Variants in RARB observed in about 807,000 individuals in gnomAD.
RARB encodes HBV-activated protein.
Under a neutral mutation model 51.9 loss-of-function variants are expected in RARB, and 17 were observed. That is an observed-to-expected ratio of 0.33 (90% CI 0.22 to 0.49). RARB has a LOEUF of 0.49. RARB is among the 20% of genes least tolerant of loss of function. The pLI, the probability that RARB is intolerant of heterozygous loss-of-function variation, is 0.99. For synonymous variants in RARB, 215 were observed against 195.4 expected, an observed-to-expected ratio of 1.10 and a Z score of -0.84; for missense variants, 369 against 550.8, an observed-to-expected ratio of 0.67 and a Z score of 3.30.
At chr3:25,049,946 T>A (rs1438439371) in intron 2 of RARB, among the ~76,000 whole-genome samples, 2 of 152,204 alleles carry the variant, frequency 1.3e-5, no homozygotes, top group African/African-American at 4.8e-5. Flanking sequence ...ACGGGTAGTT[T>A]GTTGTTAGTG....
chr3:25,060,160 C>A (rs879531043), exon 3 of RARB: 6 of 151,580 alleles, frequency 4.0e-5, no homozygotes, highest in African/African-American at 1.5e-4. Context: ...AGTAACTTGC[C>A]CTAAGACCCA....
chr3:25,207,889 C>T (rs1026736737), intron 5 of RARB, among the ~76,000 whole-genome samples: 7 of 152,266 alleles, frequency 4.6e-5, no homozygotes, highest in East Asian at 3.9e-4. Flanking sequence ...CAGTTCCAGT[C>T]CTGTAGGTTG....
At chr3:25,399,994 T>C in intron 5 of RARB, among the ~76,000 whole-genome samples, 1 of 152,226 alleles carries the variant, frequency 6.6e-6, no homozygotes, top group East Asian at 1.9e-4. Context: ...TAATAAGACT[T>C]ACCTCTGAGG....
chr3:25,322,995 G>T (rs1704614242), intron 5 of RARB, among the ~76,000 whole-genome samples: 1 of 152,186 alleles, frequency 6.6e-6, no homozygotes. Flanking sequence ...TAGGCTTCAT[G>T]TGGGGTTGTC....
chr3:25,159,028 G>A (rs1700426342), intron 4 of RARB, among the ~76,000 whole-genome samples: 1 of 151,714 alleles, frequency 6.6e-6, no homozygotes, highest in African/African-American at 2.4e-5. Flanking sequence ...TGCAGAAGAA[G>A]TTGGGAAATA....
At chr3:25,075,074 A>G (rs1698845286) in intron 3 of RARB, among the ~76,000 whole-genome samples, 1 of 152,198 alleles carries the variant, frequency 6.6e-6, no homozygotes, top group African/African-American at 2.4e-5. Flanking sequence ...TTACATTTAC[A>G]GGTAAAAACA....
intron 3 of RARB, among the ~76,000 whole-genome samples, chr3:25,086,654 T>G (rs1028073871): frequency 3.9e-5 from 6 of 152,076 alleles, no homozygotes; most frequent in African/African-American, 1.4e-4. Context: ...ATGTAAGATG[T>G]ACATTGGTTC....
chr3:24,861,107 A>G (rs1575040230), intron 2 of RARB, among the ~76,000 whole-genome samples: 1 of 152,300 alleles, frequency 6.6e-6, no homozygotes, highest in South Asian at 2.1e-4. Context: ...GCCACCACCA[A>G]TGGAAAACAT....
In RARB at chr3:25,075,503, T is replaced by C. The variant is rs1698853972; in HGVS notation, c.-328+15327T>C. Among the ~76,000 whole-genome samples, 4 of 152,264 alleles carry C rather than the reference T, an allele frequency of 2.6e-5. No homozygotes were observed. The South Asian group carries it at 8.3e-4, about 32-fold the overall frequency. ...ACATGTCCCTACTTGGATGTGCATTTATTAAAGTAGATAGGGAAAATATTT... is the reference window on the plus strand; with the variant it reads ...ACATGTCCCTACTTGGATGTGCATTCATTAAAGTAGATAGGGAAAATATTT... On this transcript the variant is annotated intron_variant, in intron 3 of 11. Transcript: ENST00000383772.
intron 2 of RARB, among the ~76,000 whole-genome samples, chr3:24,997,151 A>ATG (rs377622324): frequency 1.0e-2 from 91 of 9,118 alleles, no homozygotes; most frequent in African/African-American, 0.052. Context: ...CATTGGGTGC[A>ATG]TATATGTATT....
chr3:25,181,101 G>T (rs991968080), intron 5 of RARB, among the ~76,000 whole-genome samples: 10 of 152,114 alleles, frequency 6.6e-5, no homozygotes, highest in African/African-American at 2.4e-4. Context: ...CTCTATGTTT[G>T]CTGTGGATAT....
chr3:25,339,326 G>T (rs563651565), intron 5 of RARB, among the ~76,000 whole-genome samples: 41 of 152,304 alleles, frequency 2.7e-4, no homozygotes, highest in African/African-American at 9.6e-4. Context: ...ACTTGTGCCA[G>T]TCACTGAGTT....
intron 2 of RARB, among the ~76,000 whole-genome samples, chr3:24,866,988 G>A (rs1702861518): frequency 6.6e-6 from 1 of 152,078 alleles, no homozygotes; most frequent in Admixed American, 6.6e-5. Flanking sequence ...GGGGTTACAG[G>A]AGGGTCTGGA....
At chr3:25,560,533 T>C (rs1321855067) in intron 3 of RARB, among the ~76,000 whole-genome samples, 1 of 152,162 alleles carries the variant, frequency 6.6e-6, no homozygotes, top group Admixed American at 6.5e-5. Flanking sequence ...AGCGTGGCCA[T>C]AAATGTTCAC....
At chr3:25,004,428 G>A (rs1697227261) in intron 2 of RARB, among the ~76,000 whole-genome samples, 14 of 152,142 alleles carry the variant, frequency 9.2e-5, no homozygotes, top group Admixed American at 9.2e-4. Flanking sequence ...CAAGAGACCA[G>A]CATCCAGTGG....
At chr3:25,594,464 GA>G (rs1356214751) in intron 6 of RARB, 55 bp from the exon 7 acceptor site, 2 of 1,493,834 alleles carry the variant, frequency 1.3e-6, no homozygotes, top group Non-Finnish European at 1.8e-6. Context: ...AAACAAGGAA[GA>G]GGGGAAAAGG....
chr3:25,115,580 CCTTT>C (rs1483203891), intron 3 of RARB, among the ~76,000 whole-genome samples: 2 of 151,650 alleles, frequency 1.3e-5, no homozygotes, highest in Non-Finnish European at 2.9e-5. Context: ...CCTCTCCTTT[CCTTT>C]CTTTTCTTTT....
intron 5 of RARB, among the ~76,000 whole-genome samples, chr3:25,391,489 T>C (rs1706957157): frequency 1.3e-5 from 2 of 152,210 alleles, no homozygotes; most frequent in African/African-American, 4.8e-5. Context: ...TCATAGTGGT[T>C]GTACTAGTTT....
intron 3 of RARB, among the ~76,000 whole-genome samples, chr3:25,114,583 C>T (rs570688357): frequency 7.2e-5 from 11 of 152,272 alleles, no homozygotes; most frequent in South Asian, 4.1e-4. Flanking sequence ...AATCGGGATC[C>T]AGCATACAGT....
Sources: gnomAD v4.1 joint callset for allele counts (sites outside exome capture counted in the v4.1 genomes callset) on GRCh38, gnomAD v4.1.1 for gene constraint, MANE v1.5 for transcripts, NCBI Gene and HGNC (gene_info 2026-07-23, HGNC 2026-07-21) for gene names.